Variants in CDC42BPA observed in about 807,000 individuals in gnomAD.
The protein encoded by CDC42BPA is serine/threonine-protein kinase MRCK alpha.
A neutral mutation model predicts 223.5 loss-of-function variants in CDC42BPA; 80 were observed. The ratio of observed to expected loss-of-function variants is 0.36; its 90% CI spans 0.30 to 0.43. CDC42BPA has a LOEUF of 0.43. Among genes scored for constraint, CDC42BPA ranks in the 20% least tolerant of loss-of-function variants. The pLI, the probability that CDC42BPA is intolerant of heterozygous loss-of-function variation, is 1.00. For synonymous variants in CDC42BPA, 694 were observed against 718.6 expected, an observed-to-expected ratio of 0.97 and a Z score of 0.55; for missense variants, 1,743 against 2,099.9, an observed-to-expected ratio of 0.83 and a Z score of 3.32.
chr1:227,138,639 A>G (rs1012585792), intron 10 of CDC42BPA, among the ~76,000 whole-genome samples: 9 of 152,122 alleles, frequency 5.9e-5, no homozygotes, highest in African/African-American at 1.9e-4. Flanking sequence ...AACACAGGAT[A>G]GGGAAATAGA....
intron 1 of CDC42BPA, among the ~76,000 whole-genome samples, chr1:227,301,171 T>A (rs888956886): frequency 6.6e-6 from 1 of 152,206 alleles, no homozygotes; most frequent in African/African-American, 2.4e-5. Flanking sequence ...ATTGCCATCA[T>A]AAGAACAGAG....
chr1:227,143,099 C>A lies in CDC42BPA; in HGVS notation c.1144-75G>T. On this transcript the variant is annotated intron_variant, in intron 8 of 36. Coordinates refer to ENST00000366766, the MANE Select transcript of CDC42BPA (RefSeq NM_001394014.1). ...TAGGCTTGGCTATAAATATAAAATG[C>A]CAAAAAGAAATATTTAAAAAAAAAT... 6 of 895,126 alleles carry A rather than the reference C, an allele frequency of 6.7e-6. No individual in the cohort carries two copies. The South Asian group carries it at 9.4e-5, about 14-fold the overall frequency. 55.4% of individuals were successfully genotyped at this position (895,126 alleles called of 1,614,324 possible). A position where few individuals can be genotyped will look rare whatever the true frequency, so the allele number is the denominator to read the frequency against.
intron 23 of CDC42BPA, among the ~76,000 whole-genome samples, chr1:227,042,601 G>T (rs1460759494): frequency 1.3e-5 from 2 of 152,188 alleles, no homozygotes; most frequent in East Asian, 3.9e-4. Flanking sequence ...ATAGGATTTT[G>T]TTTTTGTTTT....
chr1:227,081,469 T>TC (rs1680645549), intron 16 of CDC42BPA, among the ~76,000 whole-genome samples: 1 of 146,108 alleles, frequency 6.8e-6, no homozygotes, highest in African/African-American at 2.6e-5. Flanking sequence ...TTTTTTTTTT[T>TC]CAGACAGAGT....
chr1:227,162,072 G>A (rs1384709454), intron 5 of CDC42BPA, among the ~76,000 whole-genome samples: 3 of 152,062 alleles, frequency 2.0e-5, no homozygotes, highest in South Asian at 2.1e-4. Flanking sequence ...TAAAAATTAA[G>A]CTATACAGTC....
chr1:227,042,652 C>CT (rs1447352536), intron 23 of CDC42BPA, among the ~76,000 whole-genome samples: 1 of 152,032 alleles, frequency 6.6e-6, no homozygotes, highest in Non-Finnish European at 1.5e-5. Context: ...AATGATCGAT[C>CT]TTAGAGTCTA....
chr1:227,315,909 T>C (rs1471686932), intron 1 of CDC42BPA, among the ~76,000 whole-genome samples: 3 of 145,420 alleles, frequency 2.1e-5, no homozygotes, highest in Non-Finnish European at 3.0e-5. Flanking sequence ...GACATTCTTG[T>C]ATCAGTGGTT....
At chr1:227,287,467 TTAA>T (rs1166056307) in intron 1 of CDC42BPA, among the ~76,000 whole-genome samples, 2 of 152,212 alleles carry the variant, frequency 1.3e-5, no homozygotes, top group Admixed American at 6.5e-5. Context: ...TCAATTAATA[TTAA>T]TAATTCAATT....
intron 16 of CDC42BPA, 26 bp from the exon 17 acceptor site, chr1:227,081,043 T>A (rs751672061): frequency 1.2e-6 from 2 of 1,611,804 alleles, no homozygotes; most frequent in South Asian, 2.2e-5. Flanking sequence ...AAGACATGCA[T>A]GACTTTTAGG....
At chr1:227,135,855 CAAAAAAAAAAAAAAAAAAAAAA>C (rs1175091904) in intron 10 of CDC42BPA, among the ~76,000 whole-genome samples, 5 of 6,606 alleles carry the variant, frequency 7.6e-4, no homozygotes, top group African/African-American at 1.1e-3. Context: ...CTCTGTCTCC[CAAAAAAAAAAAAAAAAAAAAAA>C]AAAAAAAAAA....
chr1:227,163,026 AAACATATG>A (rs1664307836), intron 5 of CDC42BPA, among the ~76,000 whole-genome samples: 6 of 29,572 alleles, frequency 2.0e-4, no homozygotes, highest in Admixed American at 1.4e-3. Context: ...GTATGTTTCC[AAACATATG>A]TGTTTCCAAA....
At chr1:227,167,684 C>G (rs1665280337) in intron 5 of CDC42BPA, among the ~76,000 whole-genome samples, 1 of 152,130 alleles carries the variant, frequency 6.6e-6, no homozygotes, top group South Asian at 2.1e-4. Context: ...GCCCTATGAC[C>G]TCAAATCTCT....
In CDC42BPA at chr1:227,199,539, T is replaced by C. The variant is rs761206982; in HGVS notation, c.450+18A>G. ...CCAACAAAAAAACAGTATATAGAAA[T>C]ACAAAAATGATTCTTACTAAGTTAT... On this transcript the variant is annotated intron_variant, in intron 4 of 36. Coordinates refer to ENST00000366766, the MANE Select transcript of CDC42BPA (RefSeq NM_001394014.1). 15 of 1,359,698 alleles carry C rather than the reference T, an allele frequency of 1.1e-5. No individual in the cohort carries two copies. The East Asian group carries it at 3.5e-4, about 32-fold the overall frequency. 84.2% of individuals were successfully genotyped at this position (1,359,698 alleles called of 1,614,324 possible). A position where few individuals can be genotyped will look rare whatever the true frequency, so the allele number is the denominator to read the frequency against.
chr1:227,208,213 G>GT (rs1034432047), intron 3 of CDC42BPA, among the ~76,000 whole-genome samples: 6 of 151,384 alleles, frequency 4.0e-5, no homozygotes, highest in Non-Finnish European at 8.9e-5. Context: ...TGATGGGGTT[G>GT]TTTTTTTCTT....
Position 227,268,616 on chromosome 1 carries a change from GTA to G in CDC42BPA, c.179-14463_179-14462del, listed in dbSNP as rs147808138. On this transcript the variant is annotated intron_variant, in intron 1 of 36. Transcript: ENST00000366766. ...TATATATAGTGTGTGTATAGTGTGTGTATATATATAGTATGTGTATATATATA... is the reference window on the plus strand; with the variant it reads ...TATATATAGTGTGTGTATAGTGTGTGTATATATAGTATGTGTATATATATA... 4.6e-4 allele frequency among the ~76,000 whole-genome samples: 66 copies of G among 142,148 alleles called. No individual in the cohort carries two copies. The South Asian group carries it at 0.01, about 22-fold the overall frequency. 93.3% of individuals were successfully genotyped at this position (142,148 alleles called of 152,430 possible). A position where few individuals can be genotyped will look rare whatever the true frequency, so the allele number is the denominator to read the frequency against.
chr1:227,214,356 G>A (rs1299700146), intron 2 of CDC42BPA, among the ~76,000 whole-genome samples: 1 of 152,104 alleles, frequency 6.6e-6, no homozygotes, highest in African/African-American at 2.4e-5. Flanking sequence ...ATTGTTATAA[G>A]TGGTTATAAT....
intron 35 of CDC42BPA, among the ~76,000 whole-genome samples, chr1:226,998,402 A>G (rs1017611678): frequency 6.6e-6 from 1 of 152,220 alleles, no homozygotes; most frequent in Non-Finnish European, 1.5e-5. Flanking sequence ...CTATACTACA[A>G]GGCTACAGTA....
intron 2 of CDC42BPA, among the ~76,000 whole-genome samples, chr1:227,242,830 C>A (rs984114867): frequency 6.6e-6 from 1 of 152,068 alleles, no homozygotes; most frequent in African/African-American, 2.4e-5. Flanking sequence ...TGGGTATATA[C>A]CCAAAGGAAT....
intron 14 of CDC42BPA, among the ~76,000 whole-genome samples, chr1:227,104,457 T>C (rs1293146366): frequency 6.6e-6 from 1 of 152,108 alleles, no homozygotes; most frequent in Non-Finnish European, 1.5e-5. Flanking sequence ...AATAACTAGG[T>C]ATGTGAAAAT....
Sources: gnomAD v4.1 joint callset for allele counts (sites outside exome capture counted in the v4.1 genomes callset) on GRCh38, gnomAD v4.1.1 for gene constraint, MANE v1.5 for transcripts, NCBI Gene and HGNC (gene_info 2026-07-23, HGNC 2026-07-21) for gene names.